The following PCYT1B variants were observed in gnomAD, a reference collection of about 807,000 sequenced individuals.
The protein encoded by PCYT1B is choline-phosphate cytidylyltransferase B.
PCYT1B carries 10 observed loss-of-function variants against 26.4 expected under a neutral mutation model. The observed-to-expected ratio is 0.38, with a 90% CI of 0.23 to 0.64. PCYT1B has a LOEUF of 0.64. PCYT1B is among the 30% of genes least tolerant of loss of function. The pLI is 0.56. For missense variants in PCYT1B, 161 were observed against 292.7 expected, an observed-to-expected ratio of 0.55 and a Z score of 3.28; for synonymous variants, 131 against 108.4, an observed-to-expected ratio of 1.21 and a Z score of -1.29.
intron 7 of PCYT1B, among the ~76,000 whole-genome samples, chrX:24,569,251 A>G (rs1168531569): frequency 9.0e-6 from 1 of 110,705 alleles, no homozygotes; most frequent in Admixed American, 9.7e-5. Context: ...AGTGCCTAAA[A>G]TTAGGACGAT....
chrX:24,633,775 A>T (rs192608298), intron 1 of PCYT1B, among the ~76,000 whole-genome samples: 1,371 of 112,024 alleles, frequency 0.012, 12 homozygotes, highest in Non-Finnish European at 0.018. Context: ...AAATTAGCCT[A>T]TGTTAAAACT....
chrX:24,561,756 C>T lies in PCYT1B; in HGVS notation c.*537G>A, dbSNP rs1923424203. On this transcript the variant is annotated 3_prime_UTR_variant, in exon 8 of 8. Transcript: ENST00000379144. Reference sequence around the variant, plus strand: ...TTCATGGAACTGGAAGGAGCTGATGCGTTCCAACATCAGGTCTCAGTGGCT... The same window carrying T: ...TTCATGGAACTGGAAGGAGCTGATGTGTTCCAACATCAGGTCTCAGTGGCT... 4 of 271,992 alleles carry T rather than the reference C, an allele frequency of 1.5e-5. No homozygotes were observed. Among genetic ancestry groups the T allele is most frequent in the Admixed American group, 1.1e-4 (2 of 18,939 alleles). 22.4% of individuals were successfully genotyped at this position (271,992 alleles called of 1,213,427 possible). A position where few individuals can be genotyped will look rare whatever the true frequency, so the allele number is the denominator to read the frequency against.
At chrX:24,638,404 C>G (rs1171049845) in intron 1 of PCYT1B, among the ~76,000 whole-genome samples, 5 of 111,645 alleles carry the variant, frequency 4.5e-5, no homozygotes, top group African/African-American at 1.6e-4. Flanking sequence ...TTCCCAGCCT[C>G]CCATACAACC....
At chrX:24,595,706 C>G (rs1292672925) in intron 3 of PCYT1B, among the ~76,000 whole-genome samples, 2 of 109,909 alleles carry the variant, frequency 1.8e-5, no homozygotes, top group African/African-American at 6.6e-5. Context: ...ATGGTGAAAC[C>G]CCGTCTCTAC....
intron 1 of PCYT1B, among the ~76,000 whole-genome samples, chrX:24,641,825 C>T (rs1484244151): frequency 1.1e-4 from 12 of 112,226 alleles, no homozygotes; most frequent in Non-Finnish European, 1.1e-4. Flanking sequence ...GTGGCTCATG[C>T]TGTATTTCTA....
At chrX:24,621,555 C>A (rs1318311935) in intron 1 of PCYT1B, among the ~76,000 whole-genome samples, 1 of 111,075 alleles carries the variant, frequency 9.0e-6, no homozygotes, top group East Asian at 2.8e-4. Context: ...CACCTCACTG[C>A]CACATCCGTC....
intron 3 of PCYT1B, among the ~76,000 whole-genome samples, chrX:24,590,812 GAGAC>G (rs1412100887): frequency 1.6e-4 from 3 of 18,824 alleles, no homozygotes; most frequent in African/African-American, 5.8e-4. Flanking sequence ...TTTTTTTTTT[GAGAC>G]AGAGTCTCGC....
At chrX:24,632,675 A>G in intron 1 of PCYT1B, 1 of 113,427 alleles carries the variant, frequency 8.8e-6, no homozygotes, top group African/African-American at 3.2e-5. Context: ...CAAATACTGC[A>G]TGTTCTCACT....
At chrX:24,657,476 A>G (rs765994031) in intron 1 of PCYT1B, among the ~76,000 whole-genome samples, 1 of 112,564 alleles carries the variant, frequency 8.9e-6, no homozygotes. Context: ...CACATATAAA[A>G]TTGTAATTTA....
chrX:24,649,832 G>GT (rs1926727056), upstream of PCYT1B, among the ~76,000 whole-genome samples: 1 of 112,161 alleles, frequency 8.9e-6, no homozygotes, highest in Non-Finnish European at 1.9e-5. Context: ...GCTACTTTGT[G>GT]CTAAGTCCGT....
intron 3 of PCYT1B, among the ~76,000 whole-genome samples, chrX:24,604,439 G>A (rs1412071087): frequency 8.9e-6 from 1 of 111,897 alleles, no homozygotes; most frequent in Non-Finnish European, 1.9e-5. Context: ...ATATTTCATA[G>A]TATTACAATT....
At chrX:24,647,523 C>G (rs934055647), upstream of PCYT1B, among the ~76,000 whole-genome samples, 1 of 111,849 alleles carries the variant, frequency 8.9e-6, no homozygotes, top group African/African-American at 3.3e-5. Flanking sequence ...CAAAGGTCTC[C>G]GTCCTCTCTG....
chrX:24,664,628 C>G lies in PCYT1B; in HGVS notation c.63+7942G>C, dbSNP rs1235003595. Among the ~76,000 whole-genome samples, 9 of 112,226 alleles carry G rather than the reference C, an allele frequency of 8.0e-5. No individual in the cohort carries two copies. The Admixed American group carries it at 8.5e-4, about 11-fold the overall frequency. ...GATTGAGATGAAGGGGATTCAGACA[C>G]TGCTCCACAAACAGATTATATTTCT... On this transcript the variant is annotated intron_variant, in intron 1 of 7. Transcript: ENST00000379145.
intron 7 of PCYT1B, among the ~76,000 whole-genome samples, chrX:24,570,767 T>C (rs912459245): frequency 2.7e-5 from 3 of 111,832 alleles, no homozygotes; most frequent in Non-Finnish European, 5.6e-5. Context: ...GAGACAGCAG[T>C]ACAGTGGAGG....
Position 24,558,805 on chromosome X carries a change from G to C in PCYT1B, c.*3488C>G, listed in dbSNP as rs1423189752. On this transcript the variant is annotated 3_prime_UTR_variant, in exon 8 of 8. Coordinates refer to ENST00000379144, the MANE Select transcript of PCYT1B (RefSeq NM_004845.5). ...TTGCCAGAAGCAAGTCGTTCAGTGT[G>C]ACTTATGGCACAGCAATCCCACCCT... is the stretch of plus-strand genomic sequence containing the variant. 1.8e-5 allele frequency: 2 copies of C among 109,939 alleles called. No individual in the cohort carries two copies. Among genetic ancestry groups the C allele is most frequent in the African/African-American group, 6.6e-5 (2 of 30,203 alleles). The allele number at this position is 109,939 out of a possible 1,213,427, so 9.1% of individuals were successfully genotyped here.
chrX:24,626,834 G>A lies in PCYT1B; in HGVS notation c.118-7750C>T, dbSNP rs909102794. Among the ~76,000 whole-genome samples, 4 of 111,523 alleles carry A rather than the reference G, an allele frequency of 3.6e-5. No homozygotes were observed. The Admixed American group carries it at 3.8e-4, about 11-fold the overall frequency. ...TTTTTGAGTCCTTGCTGTGTGCCAG[G>A]CACTGTTCTAGCTTCTGAGGATACA... On this transcript the variant is annotated intron_variant, in intron 1 of 7. Coordinates refer to ENST00000379144, the MANE Select transcript of PCYT1B (RefSeq NM_004845.5).
At chrX:24,672,607 A>G (rs1475283449) in exon 1 of PCYT1B, 1 of 1,206,889 alleles carries the variant, frequency 8.3e-7, no homozygotes, top group South Asian at 1.8e-5. Context: ...GTCCTCTTCC[A>G]TGATGCACTC....
At chrX:24,575,680 T>C (rs938924839) in intron 6 of PCYT1B, among the ~76,000 whole-genome samples, 1 of 112,685 alleles carries the variant, frequency 8.9e-6, no homozygotes, top group Non-Finnish European at 1.9e-5. Flanking sequence ...TGCTGGGACT[T>C]AGACAAAAGT....
At chrX:24,636,004 G>A (rs1238665743) in intron 1 of PCYT1B, among the ~76,000 whole-genome samples, 1 of 110,952 alleles carries the variant, frequency 9.0e-6, no homozygotes, top group African/African-American at 3.3e-5. Flanking sequence ...ACACAATTGG[G>A]GGCCACGGAT....
Sources: gnomAD v4.1 joint callset for allele counts (sites outside exome capture counted in the v4.1 genomes callset) on GRCh38, gnomAD v4.1.1 for gene constraint, MANE v1.5 for transcripts, NCBI Gene and HGNC (gene_info 2026-07-23, HGNC 2026-07-21) for gene names.